The following CHM variants were observed in gnomAD, a reference collection of about 807,000 sequenced individuals.
CHM encodes the protein CHM Rab escort protein.
A neutral mutation model predicts 49.0 loss-of-function variants in CHM; 10 were observed. The observed-to-expected ratio is 0.20, with a 90% CI of 0.13 to 0.35. The LOEUF (loss-of-function observed/expected upper bound fraction) is 0.35, where lower values mean the gene tolerates loss of function less well. Ranked by LOEUF, CHM falls within the 10% of genes least tolerant of loss-of-function variation. CHM has a pLI of 1.00. For missense variants in CHM, 455 were observed against 478.4 expected, an observed-to-expected ratio of 0.95 and a Z score of 0.46; for synonymous variants, 184 against 167.5, an observed-to-expected ratio of 1.10 and a Z score of -0.76.
chrX:85,862,739 GA>G lies in CHM; in HGVS notation c.*1890del, dbSNP rs1352879015. The stretch of plus-strand genomic sequence containing the variant: ...GCTTGAACTATATCTGCAGTGGGTA[GA>G]AAGGTGAGGCAAGAGCTATATTCCT... On this transcript the variant is annotated 3_prime_UTR_variant, in exon 15 of 15. Transcript: ENST00000357749. The G allele has an allele frequency of 9.0e-6, 1 of 111,287 alleles. No individual in the cohort carries two copies. Among genetic ancestry groups the G allele is most frequent in the Non-Finnish European group, 1.9e-5 (1 of 53,034 alleles). 9.2% of individuals were successfully genotyped at this position (111,287 alleles called of 1,213,427 possible). A position where few individuals can be genotyped will look rare whatever the true frequency, so the allele number is the denominator to read the frequency against.
rs746315399 is a variant in CHM at position 86,008,515 on chromosome X, AAT to A, written c.116+18974_116+18975del. ...ATCTTGTATACATGTATTATTTTGC[AAT>A]AAACTTTAAAAGTAGTATTTTAATA... On this transcript the variant is annotated intron_variant, in intron 2 of 14. Coordinates refer to ENST00000357749, the MANE Select transcript of CHM (RefSeq NM_000390.4). Among the ~76,000 whole-genome samples, 149 of 112,086 alleles carry A rather than the reference AAT, an allele frequency of 1.3e-3. 1 individual carries two copies. The highest frequency in any genetic ancestry group is 4.0e-3 in the African/African-American group (123 of 30,912).
chrX:85,883,800 C>CAT (rs1222988955), intron 12 of CHM, among the ~76,000 whole-genome samples: 2 of 110,200 alleles, frequency 1.8e-5, no homozygotes, highest in African/African-American at 6.6e-5. Context: ...TTACATACAT[C>CAT]ATATATATAT....
intron 2 of CHM, among the ~76,000 whole-genome samples, chrX:85,986,280 C>G (rs909470981): frequency 3.1e-4 from 34 of 111,175 alleles, no homozygotes; most frequent in African/African-American, 9.2e-4. Context: ...AAAATCACTA[C>G]TAAGGTCCGT....
chrX:86,006,539 T>A (rs1279264164), intron 2 of CHM, among the ~76,000 whole-genome samples: 2 of 112,096 alleles, frequency 1.8e-5, no homozygotes, highest in Non-Finnish European at 3.8e-5. Flanking sequence ...AAAATCTCCT[T>A]AAGCTGATAA....
rs376357251 is a variant in CHM, at chrX:86,027,478, T to C, written c.116+13A>G. The C allele has an allele frequency of 1.1e-5, 13 of 1,188,667 alleles. No homozygotes were observed. In the African/African-American group the frequency reaches 1.9e-4, roughly 18 times the overall value. On this transcript the variant is annotated intron_variant, in intron 2 of 14. Coordinates refer to ENST00000357749, the MANE Select transcript of CHM (RefSeq NM_000390.4). ...ATTTAGGAAATATTAAATGCTATCGTTGATAAACTTACGAATCAACATGCA... is the reference window on the plus strand; with the variant it reads ...ATTTAGGAAATATTAAATGCTATCGCTGATAAACTTACGAATCAACATGCA...
In CHM at chrX:85,884,820, G is replaced by A. The variant is rs776904842; in HGVS notation, c.1511-5757C>T. Among the ~76,000 whole-genome samples, 10 of 110,213 alleles carry A rather than the reference G, an allele frequency of 9.1e-5. No individual in the cohort carries two copies. The South Asian group carries it at 3.8e-3, about 42-fold the overall frequency. On this transcript the variant is annotated intron_variant, in intron 12 of 14. Coordinates refer to ENST00000357749, the MANE Select transcript of CHM (RefSeq NM_000390.4). ...TACAGTACAGTATTTGCATAGCACA[G>A]GATTAAAAATAAAAAGTGTAAAAAG... is the stretch of plus-strand genomic sequence containing the variant.
At chrX:85,872,913 AG>A (rs1269289691) in intron 14 of CHM, 138 bp downstream of exon 14, 1 of 497,423 alleles carries the variant, frequency 2.0e-6, no homozygotes, top group East Asian at 3.7e-5. Context: ...TGTAGGTCAT[AG>A]AAAAAACTTT....
intron 1 of CHM, among the ~76,000 whole-genome samples, chrX:86,031,050 G>A (rs1934022601): frequency 9.0e-6 from 1 of 111,012 alleles, no homozygotes; most frequent in Non-Finnish European, 1.9e-5. Context: ...GAACACTGCT[G>A]CAACAAACAT....
chrX:85,916,541 A>T (rs1167749104), intron 8 of CHM, among the ~76,000 whole-genome samples: 1 of 111,899 alleles, frequency 8.9e-6, no homozygotes, highest in Non-Finnish European at 1.9e-5. Context: ...GAATTTTTAC[A>T]ATCTATCTAT....
chrX:85,866,722 C>G (rs1334536580), intron 14 of CHM, among the ~76,000 whole-genome samples: 1 of 113,135 alleles, frequency 8.8e-6, no homozygotes, highest in East Asian at 2.8e-4. Flanking sequence ...GGGAGCCTAG[C>G]CCTTGTATCA....
At chrX:85,916,515 CCTACAGAATGGGAGAGAATTTTTACAAT>C (rs2148177787) in intron 8 of CHM, among the ~76,000 whole-genome samples, 1 of 111,505 alleles carries the variant, frequency 9.0e-6, no homozygotes, top group African/African-American at 3.3e-5. Flanking sequence ...GAGTAGCCAA[CCTACAGAATGGGAGAGAATTTTTACAAT>C]CTATCTATCT....
intron 3 of CHM, among the ~76,000 whole-genome samples, chrX:85,981,231 T>TA (rs1931587621): frequency 1.4e-3 from 1 of 716 alleles, no homozygotes; most frequent in Non-Finnish European, 2.1e-3. Flanking sequence ...GACACACATA[T>TA]TTTTTTTTTT....
chrX:85,942,274 C>G (rs1483386769), intron 8 of CHM, among the ~76,000 whole-genome samples: 1 of 106,281 alleles, frequency 9.4e-6, no homozygotes, highest in Non-Finnish European at 1.9e-5. Context: ...GCCCCCAACC[C>G]CCAACCCCCA....
intron 13 of CHM, among the ~76,000 whole-genome samples, chrX:85,874,167 A>G (rs778360836): frequency 8.9e-6 from 1 of 111,744 alleles, no homozygotes; most frequent in Non-Finnish European, 1.9e-5. Flanking sequence ...GTGCTTATAA[A>G]AAGGTCCAAC....
intron 12 of CHM, among the ~76,000 whole-genome samples, chrX:85,889,030 G>T (rs1197804492): frequency 8.9e-6 from 1 of 112,016 alleles, no homozygotes; most frequent in East Asian, 2.8e-4. Flanking sequence ...ATTTGGTAGA[G>T]GGATTATAGT....
intron 12 of CHM, among the ~76,000 whole-genome samples, chrX:85,885,115 T>C (rs181150150): frequency 9.0e-6 from 1 of 110,603 alleles, no homozygotes; most frequent in Admixed American, 9.7e-5. Flanking sequence ...ATTTGAGTAG[T>C]AGATACTGAA....
chrX:85,898,143 A>G (rs1467365649), intron 11 of CHM, among the ~76,000 whole-genome samples: 1 of 110,721 alleles, frequency 9.0e-6, no homozygotes, highest in Non-Finnish European at 1.9e-5. Flanking sequence ...CAGCAATTTG[A>G]CCATGAGACA....
chrX:85,932,004 C>T (rs1317502581), intron 8 of CHM, among the ~76,000 whole-genome samples: 2 of 111,518 alleles, frequency 1.8e-5, no homozygotes, highest in African/African-American at 3.3e-5. Flanking sequence ...AACATACAAA[C>T]AATATGCTCC....
At chrX:85,926,481 C>A (rs1405253976) in intron 8 of CHM, among the ~76,000 whole-genome samples, 10 of 110,687 alleles carry the variant, frequency 9.0e-5, no homozygotes, top group African/African-American at 3.3e-4. Flanking sequence ...AGAATTTCAC[C>A]CTTTAGCTAT....
Sources: gnomAD v4.1 joint callset for allele counts (sites outside exome capture counted in the v4.1 genomes callset) on GRCh38, gnomAD v4.1.1 for gene constraint, MANE v1.5 for transcripts, NCBI Gene and HGNC (gene_info 2026-07-23, HGNC 2026-07-21) for gene names.